PAPPA: variants seen among roughly 807,000 people sequenced by gnomAD.
The protein encoded by PAPPA is pappalysin-1.
A neutral mutation model predicts 164.0 loss-of-function variants in PAPPA; 60 were observed. The observed-to-expected ratio is 0.37, with a 90% CI of 0.30 to 0.45. The LOEUF (loss-of-function observed/expected upper bound fraction) is 0.45, where lower values mean the gene tolerates loss of function less well. PAPPA is among the 20% of genes least tolerant of loss of function. The probability of loss-of-function intolerance (pLI) is 1.00; values close to 1 mark genes in which losing one functional copy is unlikely to be tolerated. For missense variants in PAPPA, 1,782 were observed against 2,087.3 expected (o/e 0.85, Z 2.85); for synonymous variants, 875 against 814.1 (o/e 1.07, Z -1.27).
At position 116,374,465 on chromosome 9, in the gene PAPPA, C is replaced by T. The variant is rs573446655; in HGVS notation, c.4606-3111C>T. Among the ~76,000 whole-genome samples the T allele has an allele frequency of 2.8e-4, 43 of 152,320 alleles. 1 individual carries two copies. The South Asian group carries it at 4.4e-3, about 15-fold the overall frequency. Reference sequence around the variant, plus strand: ...TCAGCTCCCACTGCCTGTCCCCTTTCCCAGTTCTAGCACACAGAGGGGTCC... The same window carrying T: ...TCAGCTCCCACTGCCTGTCCCCTTTTCCAGTTCTAGCACACAGAGGGGTCC... On this transcript the variant is annotated intron_variant, in intron 19 of 21. Transcript: ENST00000328252.
chr9:116,249,691 T>C (rs535089398), intron 7 of PAPPA, among the ~76,000 whole-genome samples: 1 of 152,234 alleles, frequency 6.6e-6, no homozygotes, highest in South Asian at 2.1e-4. Flanking sequence ...GGGATATTAA[T>C]GGGATAAAAT....
intron 5 of PAPPA, among the ~76,000 whole-genome samples, chr9:116,221,457 G>A (rs577443237): frequency 6.6e-6 from 1 of 152,224 alleles, no homozygotes; most frequent in African/African-American, 2.4e-5. Flanking sequence ...ACTATGTGAT[G>A]GATTCTATAC....
At chr9:116,309,478 C>T (rs75482967) in intron 10 of PAPPA, among the ~76,000 whole-genome samples, 134 of 152,198 alleles carry the variant, frequency 8.8e-4, no homozygotes, top group African/African-American at 3.1e-3. Flanking sequence ...GGACTAGATA[C>T]CCACTAGGGT....
At chr9:116,165,446 C>T (rs10983073) in intron 1 of PAPPA, among the ~76,000 whole-genome samples, 77,528 of 152,082 alleles carry the variant, frequency 0.51, 21,025 homozygotes, top group Non-Finnish European at 0.62. Context: ...CAGTCATCAA[C>T]TCCTGACTCT....
rs557654759 is a variant in PAPPA at position 116,399,719 on chromosome 9, C to T, written c.*3103C>T. 1 of 152,564 alleles carries T rather than the reference C, an allele frequency of 6.6e-6. No individual in the cohort carries two copies. Among genetic ancestry groups the T allele is most frequent in the Non-Finnish European group, 1.5e-5 (1 of 68,034 alleles). The allele number at this position is 152,564 out of a possible 1,614,324, so 9.5% of individuals were successfully genotyped here. ...TTACCCCCAGATTCTGTGCCAACAACCTTTTAAGGAAATACAGTCCTTGGG... is the reference window on the plus strand; with the variant it reads ...TTACCCCCAGATTCTGTGCCAACAATCTTTTAAGGAAATACAGTCCTTGGG... On this transcript the variant is annotated 3_prime_UTR_variant, in exon 22 of 22. Transcript: ENST00000328252.
chr9:116,306,408 G>T (rs996992742), intron 10 of PAPPA, among the ~76,000 whole-genome samples: 3 of 152,136 alleles, frequency 2.0e-5, no homozygotes, highest in Admixed American at 1.3e-4. Flanking sequence ...AGTGTTTCTC[G>T]TTCATTCTTT....
intron 5 of PAPPA, among the ~76,000 whole-genome samples, chr9:116,225,966 C>G (rs1844502488): frequency 6.6e-6 from 1 of 151,960 alleles, no homozygotes; most frequent in South Asian, 2.1e-4. Flanking sequence ...TGACTTTGTC[C>G]TCAAGGACCT....
chr9:116,159,976 G>A (rs1376333290), intron 1 of PAPPA, among the ~76,000 whole-genome samples: 8 of 152,178 alleles, frequency 5.3e-5, no homozygotes, highest in South Asian at 2.1e-4. Flanking sequence ...ATTCCTGGCT[G>A]CACCTGGAAT....
At chr9:116,374,695 G>C (rs1161529197) in intron 19 of PAPPA, among the ~76,000 whole-genome samples, 1 of 152,176 alleles carries the variant, frequency 6.6e-6, no homozygotes, top group Non-Finnish European at 1.5e-5. Context: ...ACAGGGGAAG[G>C]CATGGGCATC....
chr9:116,290,924 C>A (rs535723274), intron 9 of PAPPA, among the ~76,000 whole-genome samples: 7 of 152,054 alleles, frequency 4.6e-5, no homozygotes, highest in African/African-American at 1.7e-4. Flanking sequence ...CTAGGTATTG[C>A]TCTTCCTTCT....
chr9:116,284,218 C>T (rs1845302504), intron 9 of PAPPA, among the ~76,000 whole-genome samples: 1 of 152,162 alleles, frequency 6.6e-6, no homozygotes, highest in African/African-American at 2.4e-5. Flanking sequence ...AGAGAGTGAC[C>T]TGTCCCCGGA....
intron 9 of PAPPA, among the ~76,000 whole-genome samples, chr9:116,300,856 T>G (rs899017458): frequency 1.3e-5 from 2 of 152,168 alleles, no homozygotes; most frequent in Non-Finnish European, 2.9e-5. Context: ...AAGAGTATTT[T>G]TTTTTTCTCT....
intron 17 of PAPPA, 147 bp from the exon 18 acceptor site, chr9:116,362,445 T>C (rs1199983003): frequency 2.6e-6 from 2 of 760,528 alleles, no homozygotes; most frequent in African/African-American, 3.6e-5. Context: ...TTCAGGGTGG[T>C]TGAGTTTCAA....
intron 10 of PAPPA, among the ~76,000 whole-genome samples, chr9:116,325,690 T>C (rs1354812065): frequency 6.6e-6 from 1 of 152,088 alleles, no homozygotes; most frequent in Non-Finnish European, 1.5e-5. Flanking sequence ...CTGGGTATCT[T>C]GGAGAAGAGA....
At chr9:116,254,588 C>T (rs1253175294) in intron 7 of PAPPA, among the ~76,000 whole-genome samples, 2 of 151,894 alleles carry the variant, frequency 1.3e-5, no homozygotes, top group East Asian at 3.9e-4. Context: ...CGAGACCATC[C>T]CGGCTAATAC....
chr9:116,380,424 T>C (rs566128689), intron 20 of PAPPA, among the ~76,000 whole-genome samples: 3 of 152,258 alleles, frequency 2.0e-5, no homozygotes, highest in East Asian at 1.9e-4. Flanking sequence ...TAAAGAAGTA[T>C]CACCTTCATT....
chr9:116,359,950 C>T (rs888686687), intron 17 of PAPPA, among the ~76,000 whole-genome samples: 1 of 152,218 alleles, frequency 6.6e-6, no homozygotes, highest in Non-Finnish European at 1.5e-5. Context: ...CACAAAGTGC[C>T]AGATGAACTG....
At chr9:116,376,358 T>A (rs1208828493) in intron 19 of PAPPA, among the ~76,000 whole-genome samples, 1 of 152,226 alleles carries the variant, frequency 6.6e-6, no homozygotes, top group Non-Finnish European at 1.5e-5. Flanking sequence ...TTCCTAATAC[T>A]ATGTTATCTT....
At chr9:116,252,625 G>A (rs1380039689) in intron 7 of PAPPA, among the ~76,000 whole-genome samples, 1 of 152,182 alleles carries the variant, frequency 6.6e-6, no homozygotes, top group African/African-American at 2.4e-5. Context: ...TCTAAGTTCT[G>A]ACTTCTACAG....
Sources: gnomAD v4.1 joint callset for allele counts (sites outside exome capture counted in the v4.1 genomes callset) on GRCh38, gnomAD v4.1.1 for gene constraint, MANE v1.5 for transcripts, NCBI Gene and HGNC (gene_info 2026-07-23, HGNC 2026-07-21) for gene names.